The following CNTN5 variants were observed in gnomAD, a reference collection of about 807,000 sequenced individuals.
CNTN5 encodes the protein contactin-5.
A neutral mutation model predicts 129.1 loss-of-function variants in CNTN5; 77 were observed. The observed-to-expected ratio is 0.60, with a 90% confidence interval of 0.50 to 0.72. CNTN5 has a LOEUF of 0.72. CNTN5 is among the 30% of genes least tolerant of loss of function. The pLI is 0.00. For missense variants in CNTN5, 1,478 were observed against 1,328.8 expected (o/e 1.11, Z -1.75); for synonymous variants, 509 against 465.6 (o/e 1.09, Z -1.20).
At chr11:99,137,899 T>A (rs1422136043) in intron 1 of CNTN5, among the ~76,000 whole-genome samples, 1 of 152,186 alleles carries the variant, frequency 6.6e-6, no homozygotes, top group Non-Finnish European at 1.5e-5. Flanking sequence ...ATAGACATCC[T>A]CTTGGCATTG....
At chr11:99,997,354 C>T (rs951097747) in intron 8 of CNTN5, among the ~76,000 whole-genome samples, 1 of 152,044 alleles carries the variant, frequency 6.6e-6, no homozygotes. Flanking sequence ...GGATCAACTA[C>T]CATCAGAGAA....
intron 1 of CNTN5, among the ~76,000 whole-genome samples, chr11:99,043,781 AG>A (rs1864100413): frequency 6.6e-6 from 1 of 152,236 alleles, no homozygotes; most frequent in Non-Finnish European, 1.5e-5. Context: ...GATATAATTT[AG>A]GATATTAGAC....
intron 13 of CNTN5, among the ~76,000 whole-genome samples, chr11:100,171,197 G>T (rs1041548228): frequency 2.0e-5 from 3 of 151,866 alleles, no homozygotes; most frequent in African/African-American, 7.2e-5. Context: ...GCTTAGCCAC[G>T]GTCAAGCTTT....
At chr11:99,475,777 T>C (rs561499839) in intron 2 of CNTN5, among the ~76,000 whole-genome samples, 91 of 152,234 alleles carry the variant, frequency 6.0e-4, no homozygotes, top group Admixed American at 3.9e-3. Context: ...AAGAGTTTTG[T>C]CTAATGCTTT....
intron 2 of CNTN5, among the ~76,000 whole-genome samples, chr11:99,362,455 C>A (rs1159383548): frequency 1.1e-4 from 16 of 151,736 alleles, no homozygotes; most frequent in Admixed American, 1.1e-3. Flanking sequence ...TTAATGGTAT[C>A]CTTTGATGCA....
At chr11:100,345,905 T>C (rs1311858304) in intron 23 of CNTN5, among the ~76,000 whole-genome samples, 3 of 152,134 alleles carry the variant, frequency 2.0e-5, no homozygotes, top group East Asian at 1.9e-4. Flanking sequence ...TTGGAAAGGA[T>C]TGTCTGTTAT....
chr11:100,088,532 C>T lies in CNTN5; in HGVS notation c.1580+14238C>T, dbSNP rs553791958. On this transcript the variant is annotated intron_variant, in intron 13 of 24. Transcript: ENST00000524871. ...AAATGAGAGGACATCCAAATAAGCA[C>T]AATAAGAAATGACAAAGGTCACATT... Among the ~76,000 whole-genome samples the T allele has an allele frequency of 5.9e-5, 9 of 151,962 alleles. No homozygotes were observed. In the South Asian group the frequency reaches 1.9e-3, roughly 32 times the overall value.
chr11:99,134,004 A>C (rs561153982), intron 1 of CNTN5, among the ~76,000 whole-genome samples: 2 of 152,348 alleles, frequency 1.3e-5, no homozygotes, highest in South Asian at 4.1e-4. Context: ...CATGGAATCA[A>C]ATGCCTATCA....
chr11:99,083,795 T>G (rs761950599), intron 1 of CNTN5, among the ~76,000 whole-genome samples: 1 of 152,118 alleles, frequency 6.6e-6, no homozygotes, highest in African/African-American at 2.4e-5. Context: ...TTCCACCCCA[T>G]AAGTCACTCA....
intron 1 of CNTN5, among the ~76,000 whole-genome samples, chr11:99,260,276 T>A: frequency 6.6e-6 from 1 of 151,946 alleles, no homozygotes. Context: ...TTTAAGATTT[T>A]GTATTTTAAT....
intron 1 of CNTN5, among the ~76,000 whole-genome samples, chr11:99,058,314 TA>T (rs1357831179): frequency 6.6e-6 from 1 of 151,864 alleles, no homozygotes; most frequent in Non-Finnish European, 1.5e-5. Flanking sequence ...GGTGGTAAAA[TA>T]AACAAGTCTG....
chr11:99,796,270 A>G (rs1353371735), intron 3 of CNTN5, among the ~76,000 whole-genome samples: 1 of 152,150 alleles, frequency 6.6e-6, no homozygotes, highest in Non-Finnish European at 1.5e-5. Context: ...CAATGGTGGC[A>G]CAGTCAGGGA....
intron 3 of CNTN5, among the ~76,000 whole-genome samples, chr11:99,642,598 C>A (rs1222388051): frequency 6.6e-6 from 1 of 152,158 alleles, no homozygotes; most frequent in Non-Finnish European, 1.5e-5. Context: ...AAATACTTGG[C>A]ATTTCTTTTG....
chr11:99,362,985 T>C (rs965188084), intron 2 of CNTN5, among the ~76,000 whole-genome samples: 1 of 152,112 alleles, frequency 6.6e-6, no homozygotes, highest in Non-Finnish European at 1.5e-5. Context: ...TTCAAGATTG[T>C]TTTGGCTATT....
chr11:99,819,837 C>A, intron 4 of CNTN5, 72 bp downstream of exon 4: 1 of 492,432 alleles, frequency 2.0e-6, no homozygotes, highest in Non-Finnish European at 2.8e-6. Context: ...ACTGTTGCAA[C>A]AGAGATCAAG....
At chr11:100,075,324 G>A (rs1218326899) in intron 13 of CNTN5, among the ~76,000 whole-genome samples, 1 of 152,102 alleles carries the variant, frequency 6.6e-6, no homozygotes, top group Non-Finnish European at 1.5e-5. Context: ...TTCTTGGAAA[G>A]GGTGATCACC....
At chr11:100,023,807 AG>A (rs774836757) in intron 9 of CNTN5, among the ~76,000 whole-genome samples, 3 of 151,962 alleles carry the variant, frequency 2.0e-5, no homozygotes, top group Non-Finnish European at 4.4e-5. Flanking sequence ...TGCACACTTA[AG>A]TTTTCTCCAT....
At chr11:99,863,670 A>C (rs916651238) in intron 6 of CNTN5, among the ~76,000 whole-genome samples, 1 of 152,208 alleles carries the variant, frequency 6.6e-6, no homozygotes, top group Non-Finnish European at 1.5e-5. Flanking sequence ...CAAATATTCT[A>C]CTTTAGTTCA....
At chr11:99,068,985 G>A (rs1427343492) in intron 1 of CNTN5, among the ~76,000 whole-genome samples, 1 of 152,016 alleles carries the variant, frequency 6.6e-6, no homozygotes, top group African/African-American at 2.4e-5. Flanking sequence ...ACAGTTCCAG[G>A]AGAGATTTCC....
Sources: gnomAD v4.1 joint callset for allele counts (sites outside exome capture counted in the v4.1 genomes callset) on GRCh38, gnomAD v4.1.1 for gene constraint, MANE v1.5 for transcripts, NCBI Gene and HGNC (gene_info 2026-07-23, HGNC 2026-07-21) for gene names.